Variants in TXNDC11 observed in about 807,000 individuals in gnomAD.
TXNDC11 encodes the protein thioredoxin domain containing 11.
TXNDC11 carries 68 observed loss-of-function variants against 78.0 expected under a neutral mutation model. That is an observed-to-expected ratio of 0.87 (90% CI 0.72 to 1.07). The LOEUF (loss-of-function observed/expected upper bound fraction) is 1.07, where lower values mean the gene tolerates loss of function less well. TXNDC11 is among the 50% of genes least tolerant of loss of function. The pLI, the probability that TXNDC11 is intolerant of heterozygous loss-of-function variation, is 0.00. For synonymous variants in TXNDC11, 571 were observed against 495.2 expected (o/e 1.15, Z -2.03); for missense variants, 1,389 against 1,221.8 (o/e 1.14, Z -2.04).
intron 11 of TXNDC11, among the ~76,000 whole-genome samples, chr16:11,683,649 C>T (rs146209220): frequency 1.3e-5 from 2 of 152,100 alleles, no homozygotes; most frequent in Non-Finnish European, 2.9e-5. Flanking sequence ...CGGCCACATT[C>T]AAGCTCGGGT....
intron 11 of TXNDC11, among the ~76,000 whole-genome samples, chr16:11,682,995 G>A (rs1222081094): frequency 1.3e-5 from 2 of 152,160 alleles, no homozygotes; most frequent in Admixed American, 6.5e-5. Flanking sequence ...TCATACATGC[G>A]AGCCAGGGAA....
intron 11 of TXNDC11, among the ~76,000 whole-genome samples, chr16:11,680,690 G>T (rs2141953804): frequency 6.6e-6 from 1 of 152,268 alleles, no homozygotes; most frequent in East Asian, 1.9e-4. Context: ...CGGCAGCCGA[G>T]TTTGTCTCCC....
rs762543080 is a variant in TXNDC11, at chr16:11,691,630, G to A, written c.1560C>T (p.Ile520=). 23 of 1,614,022 alleles carry A rather than the reference G, an allele frequency of 1.4e-5. No individual in the cohort carries two copies. The highest frequency in any genetic ancestry group is 1.6e-4 in the Middle Eastern group (1 of 6,084). ...RTISRGVSGF[I]DSEQGVFEAP... ...CTTCAAAGACACCTTGTTCAGAGTC[G>A]ATGAAGCCTGACACACCCCTGCTTA... Residue 520 remains isoleucine, a synonymous_variant, in exon 8 of 12, where the codon ATC becomes ATT. Transcript: ENST00000283033.
chr16:11,735,913 C>T, intron 2 of TXNDC11, 104 bp downstream of exon 2: 6 of 1,112,292 alleles, frequency 5.4e-6, no homozygotes, highest in Admixed American at 3.7e-5. Context: ...CTGGAGTTCA[C>T]CTTGGCAAAG....
At chr16:11,692,335 C>CT in intron 7 of TXNDC11, 1 of 419,338 alleles carries the variant, frequency 2.4e-6, no homozygotes, top group South Asian at 5.1e-5. Flanking sequence ...GCTGTGGATG[C>CT]TGCCAGCCTG....
At chr16:11,711,277 A>G (rs952016558) in intron 5 of TXNDC11, among the ~76,000 whole-genome samples, 3 of 152,194 alleles carry the variant, frequency 2.0e-5, no homozygotes, top group Non-Finnish European at 4.4e-5. Context: ...CAGCTCCTGT[A>G]TTTACTGGCA....
At chr16:11,728,510 A>G (rs2141106523) in intron 4 of TXNDC11, among the ~76,000 whole-genome samples, 1 of 152,346 alleles carries the variant, frequency 6.6e-6, no homozygotes, top group Non-Finnish European at 1.5e-5. Context: ...AAGGCAGTCC[A>G]GTTTAATCAC....
At chr16:11,684,039 C>T (rs757951496) in intron 11 of TXNDC11, 126 bp downstream of exon 11, 20 of 639,598 alleles carry the variant, frequency 3.1e-5, no homozygotes, top group East Asian at 1.3e-4. Flanking sequence ...GCATGAGCCA[C>T]CACGCCTGGT....
At chr16:11,730,351 G>T (rs1436823911) in intron 4 of TXNDC11, among the ~76,000 whole-genome samples, 2 of 152,162 alleles carry the variant, frequency 1.3e-5, no homozygotes, top group East Asian at 1.9e-4. Context: ...CACATAAATT[G>T]TAAGTTAATT....
At chr16:11,735,938 A>T (rs1270129540) in intron 2 of TXNDC11, 79 bp downstream of exon 2, 2 of 1,420,180 alleles carry the variant, frequency 1.4e-6, no homozygotes, top group African/African-American at 2.8e-5. Flanking sequence ...CCCGTTGGGC[A>T]AGGTGTCTCT....
At chr16:11,730,821 C>A in intron 3 of TXNDC11, 47 bp from the exon 4 acceptor site, 1 of 1,404,742 alleles carries the variant, frequency 7.1e-7, no homozygotes, top group Non-Finnish European at 9.6e-7. Context: ...AAAAATAATA[C>A]ACCATGCATT....
At chr16:11,688,500 T>C (rs2050625772) in intron 8 of TXNDC11, 55 bp from the exon 9 acceptor site, 1 of 1,427,400 alleles carries the variant, frequency 7.0e-7, no homozygotes, top group Non-Finnish European at 9.5e-7. Flanking sequence ...AGAGAATAGC[T>C]GGCCTACTTT....
rs966996610 is a variant in TXNDC11 at position 11,742,449 on chromosome 16, C to A, written c.254+28G>T. 15 of 1,383,016 alleles carry A rather than the reference C, an allele frequency of 1.1e-5. No individual in the cohort carries two copies. The Admixed American group carries it at 3.7e-4, about 34-fold the overall frequency. The allele number at this position is 1,383,016 out of a possible 1,614,324, so 85.7% of individuals were successfully genotyped here. On this transcript the variant is annotated intron_variant, in intron 1 of 11. Transcript: ENST00000283033. The stretch of plus-strand genomic sequence containing the variant: ...CGGCAGAGCAAGGGGAGCGCCCTAG[C>A]GGGGCCCCAGGGTCCGGGCCGCCTC...
At chr16:11,699,245 C>A (rs1455085600) in intron 6 of TXNDC11, among the ~76,000 whole-genome samples, 1 of 106,082 alleles carries the variant, frequency 9.4e-6, no homozygotes, top group African/African-American at 3.6e-5. Context: ...CAAATCGAAG[C>A]AGAAACCTGA....
chr16:11,715,985 A>G (rs990641169), intron 5 of TXNDC11, among the ~76,000 whole-genome samples: 2 of 152,242 alleles, frequency 1.3e-5, no homozygotes, highest in African/African-American at 4.8e-5. Flanking sequence ...TACTCGCTTT[A>G]TTACTTTACT....
chr16:11,725,204 T>C (rs2051840470), intron 4 of TXNDC11, among the ~76,000 whole-genome samples: 2 of 152,216 alleles, frequency 1.3e-5, no homozygotes, highest in South Asian at 4.1e-4. Context: ...GACCATACCC[T>C]GCCTGAATAT....
intron 7 of TXNDC11, among the ~76,000 whole-genome samples, chr16:11,697,262 C>A (rs73517669): frequency 6.6e-6 from 1 of 152,122 alleles, no homozygotes; most frequent in African/African-American, 2.4e-5. Flanking sequence ...AGAAGTCCTG[C>A]CTCCCTGTCC....
chr16:11,723,168 G>C (rs1051011841), intron 4 of TXNDC11, among the ~76,000 whole-genome samples: 4 of 151,780 alleles, frequency 2.6e-5, no homozygotes, highest in African/African-American at 7.3e-5. Context: ...TGAGGCAAGA[G>C]AATCCCTTGA....
rs560257690 is a variant in TXNDC11, at chr16:11,735,908, G to A, written c.471+109C>T. On this transcript the variant is annotated intron_variant, in intron 2 of 11. Coordinates refer to ENST00000283033, the MANE Select transcript of TXNDC11 (RefSeq NM_015914.7). ...CTGTAACTTAGAAACGACTCCTGGA[G>A]TTCACCTTGGCAAAGTCTGCCCGTT... 7.0e-5 allele frequency: 71 copies of A among 1,007,272 alleles called. 2 individuals are homozygous for A. In the South Asian group the frequency reaches 8.9e-4, roughly 13 times the overall value. 62.4% of individuals were successfully genotyped at this position (1,007,272 alleles called of 1,614,324 possible). A position where few individuals can be genotyped will look rare whatever the true frequency, so the allele number is the denominator to read the frequency against.
Sources: gnomAD v4.1 joint callset for allele counts (sites outside exome capture counted in the v4.1 genomes callset) on GRCh38, gnomAD v4.1.1 for gene constraint, MANE v1.5 for transcripts, NCBI Gene and HGNC (gene_info 2026-07-23, HGNC 2026-07-21) for gene names.